The following IL1RAPL1 variants were observed in gnomAD, a reference collection of about 807,000 sequenced individuals.
IL1RAPL1 encodes interleukin 1 receptor accessory protein like 1, also known as interleukin-1 receptor accessory protein-like 1.
IL1RAPL1 carries 3 observed loss-of-function variants against 48.4 expected under a neutral mutation model. The observed-to-expected ratio is 0.06, with a 90% CI of 0.03 to 0.16. IL1RAPL1 has a LOEUF of 0.16. Among genes scored for constraint, IL1RAPL1 ranks in the 10% least tolerant of loss-of-function variants. IL1RAPL1 has a pLI of 1.00. For missense variants in IL1RAPL1, 349 were observed against 530.6 expected, an observed-to-expected ratio of 0.66 and a Z score of 3.36; for synonymous variants, 185 against 187.7, an observed-to-expected ratio of 0.99 and a Z score of 0.12.
chrX:28,837,371 A>T (rs375912838), intron 2 of IL1RAPL1, among the ~76,000 whole-genome samples: 12 of 111,372 alleles, frequency 1.1e-4, no homozygotes, highest in African/African-American at 3.6e-4. Context: ...CTTTTATAAA[A>T]GGGGCCTTCA....
chrX:29,486,480 T>C (rs972619739), intron 5 of IL1RAPL1, among the ~76,000 whole-genome samples: 1 of 110,126 alleles, frequency 9.1e-6, no homozygotes, highest in African/African-American at 3.3e-5. Context: ...CCCTTCAGCA[T>C]GACACTATGT....
chrX:29,278,112 A>G (rs1932145980), intron 2 of IL1RAPL1, among the ~76,000 whole-genome samples: 2 of 112,130 alleles, frequency 1.8e-5, no homozygotes, highest in African/African-American at 6.5e-5. Flanking sequence ...TTGTTTTCAT[A>G]TTAGTATGCA....
chrX:29,896,390 G>A (rs111785997), intron 6 of IL1RAPL1, among the ~76,000 whole-genome samples: 10 of 88,732 alleles, frequency 1.1e-4, no homozygotes, highest in African/African-American at 3.0e-4. Flanking sequence ...TTGGCATAAC[G>A]TGTATCATTC....
intron 5 of IL1RAPL1, among the ~76,000 whole-genome samples, chrX:29,602,711 G>A (rs182933435): frequency 8.9e-6 from 1 of 112,424 alleles, no homozygotes; most frequent in Non-Finnish European, 1.9e-5. Flanking sequence ...TATTTCCCAG[G>A]CTATCTTAAA....
At chrX:29,087,754 C>A (rs1362444677) in intron 2 of IL1RAPL1, among the ~76,000 whole-genome samples, 1 of 112,514 alleles carries the variant, frequency 8.9e-6, no homozygotes, top group East Asian at 2.8e-4. Context: ...TCTTCATAGG[C>A]TGAGCTCAAT....
intron 2 of IL1RAPL1, among the ~76,000 whole-genome samples, chrX:28,900,803 C>T (rs1407574328): frequency 9.0e-6 from 1 of 111,374 alleles, no homozygotes; most frequent in East Asian, 2.8e-4. Flanking sequence ...CCAGCTTTAC[C>T]TTATCTATTG....
chrX:29,780,125 C>G (rs945638987), intron 6 of IL1RAPL1, among the ~76,000 whole-genome samples: 1 of 111,578 alleles, frequency 9.0e-6, no homozygotes, highest in Admixed American at 9.5e-5. Context: ...GTCAAGTAAG[C>G]TCAACTGACA....
At chrX:29,170,715 C>T (rs187263219) in intron 2 of IL1RAPL1, among the ~76,000 whole-genome samples, 2 of 111,062 alleles carry the variant, frequency 1.8e-5, no homozygotes, top group African/African-American at 6.5e-5. Flanking sequence ...ACATTCCAAC[C>T]CCTCGATAAA....
At chrX:29,744,204 C>T (rs1443269566) in intron 6 of IL1RAPL1, among the ~76,000 whole-genome samples, 2 of 111,844 alleles carry the variant, frequency 1.8e-5, no homozygotes, top group South Asian at 3.7e-4. Context: ...CGTTTTCTAT[C>T]GAAACTCAGG....
At chrX:28,897,724 C>T (rs1445481805) in intron 2 of IL1RAPL1, among the ~76,000 whole-genome samples, 1 of 112,086 alleles carries the variant, frequency 8.9e-6, no homozygotes, top group East Asian at 2.8e-4. Context: ...TCACTCGCGT[C>T]TGTGTGAAGA....
intron 5 of IL1RAPL1, among the ~76,000 whole-genome samples, chrX:29,405,626 A>T (rs948781643): frequency 2.8e-5 from 3 of 106,849 alleles, no homozygotes; most frequent in Non-Finnish European, 5.7e-5. Context: ...TCGGCCTCCC[A>T]AAGTGCTGGA....
chrX:29,023,708 A>G (rs1442220304), intron 2 of IL1RAPL1, among the ~76,000 whole-genome samples: 1 of 112,243 alleles, frequency 8.9e-6, no homozygotes, highest in African/African-American at 3.2e-5. Flanking sequence ...TTTGACTTGA[A>G]TTGCCACTTA....
At chrX:29,940,928 A>G (rs1448436529) in intron 8 of IL1RAPL1, among the ~76,000 whole-genome samples, 1 of 110,984 alleles carries the variant, frequency 9.0e-6, no homozygotes, top group African/African-American at 3.2e-5. Flanking sequence ...TGTCCCATCC[A>G]CTAGGAGGCC....
intron 5 of IL1RAPL1, among the ~76,000 whole-genome samples, chrX:29,648,617 G>T (rs1466901755): frequency 9.0e-6 from 1 of 111,592 alleles, no homozygotes; most frequent in Admixed American, 9.6e-5. Context: ...CATACCAAAA[G>T]CTATGAGATA....
chrX:29,090,713 G>A (rs774294114), intron 2 of IL1RAPL1, among the ~76,000 whole-genome samples: 2 of 111,710 alleles, frequency 1.8e-5, no homozygotes, highest in Non-Finnish European at 3.8e-5. Flanking sequence ...TCTACATCTA[G>A]TACAAAGATT....
At chrX:28,954,098 C>T (rs1924541203) in intron 2 of IL1RAPL1, among the ~76,000 whole-genome samples, 1 of 111,641 alleles carries the variant, frequency 9.0e-6, no homozygotes, top group Admixed American at 9.5e-5. Flanking sequence ...TTATTGATAG[C>T]AGTCAATTGC....
intron 1 of IL1RAPL1, among the ~76,000 whole-genome samples, chrX:28,615,147 T>C (rs1016406004): frequency 1.0e-3 from 107 of 103,158 alleles, no homozygotes; most frequent in Non-Finnish European, 1.3e-3. Context: ...CTTGGCCTCC[T>C]AAAGTGCTGA....
At chrX:29,174,199 C>T (rs893017021) in intron 2 of IL1RAPL1, among the ~76,000 whole-genome samples, 51 of 111,343 alleles carry the variant, frequency 4.6e-4, no homozygotes, top group African/African-American at 1.6e-3. Context: ...GCTGGGATTA[C>T]AGGTGTGAGC....
At chrX:29,205,765 C>T (rs112774953) in intron 2 of IL1RAPL1, among the ~76,000 whole-genome samples, 38 of 109,336 alleles carry the variant, frequency 3.5e-4, no homozygotes, top group African/African-American at 1.1e-3. Flanking sequence ...GATGGAGTCT[C>T]ACTCTGTCGC....
Sources: allele counts gnomAD v4.1 joint callset (sites outside exome capture counted in the v4.1 genomes callset), GRCh38; gene constraint gnomAD v4.1.1; transcripts MANE v1.5; gene names NCBI Gene and HGNC (gene_info 2026-07-23, HGNC 2026-07-21).